The following SULT1E1 variants were observed in gnomAD, a reference collection of about 807,000 sequenced individuals.
SULT1E1 encodes sulfotransferase 1E1.
A neutral mutation model predicts 33.6 loss-of-function variants in SULT1E1; 36 were observed. The observed-to-expected ratio is 1.07, with a 90% CI of 0.82 to 1.41. The LOEUF is 1.41. SULT1E1 is among the 40% of genes most tolerant of loss of function. The pLI, the probability that SULT1E1 is intolerant of heterozygous loss-of-function variation, is 0.00. For missense variants in SULT1E1, 371 were observed against 345.7 expected, an observed-to-expected ratio of 1.07 and a Z score of -0.58; for synonymous variants, 121 against 111.7, an observed-to-expected ratio of 1.08 and a Z score of -0.53.
rs375695702 is a variant in SULT1E1, at chr4:69,847,740, C to G, written c.549G>C (p.Lys183Asn). ...AGAAAAGAAATAGTACACGTGGACT[C>G]TTTCCCTTTTCCCACCAAGATTTTA... is the stretch of plus-strand genomic sequence containing the variant. ...KHVKSWWEKG[K>N]SPRVLFLFYE... The change falls in exon 6 of 8, where the codon AAG becomes AAC. Residue 183 changes from lysine to asparagine, a missense_variant. Transcript: ENST00000226444. 1.1e-5 allele frequency: 18 copies of G among 1,609,878 alleles called. No homozygotes were observed. Among genetic ancestry groups the G allele is most frequent in the Non-Finnish European group, 1.5e-5 (18 of 1,177,210 alleles).
At position 69,844,216 on chromosome 4, in the gene SULT1E1, G is replaced by A; in HGVS notation, c.717C>T (p.Tyr239=). 2 of 1,613,968 alleles carry A rather than the reference G, an allele frequency of 1.2e-6. No individual in the cohort carries two copies. The highest frequency in any genetic ancestry group is 1.7e-6 in the Non-Finnish European group (2 of 1,179,916). ...QEMKNNPSTN[Y]TTLPDEIMNQ... is the part of the protein sequence containing the mutation. ...TCATAATTTCGTCTGGCAGTGTTGT[G>A]TAATTTGTGGATGGATTGTTCTTCA... is the stretch of plus-strand genomic sequence containing the variant. The change falls in exon 7 of 8, where the codon TAC becomes TAT. Residue 239 remains tyrosine, a synonymous_variant. Coordinates refer to ENST00000226444, the MANE Select transcript of SULT1E1 (RefSeq NM_005420.3).
chr4:69,842,146 C>A, intron 7 of SULT1E1, 40 bp from the exon 8 acceptor site: 2 of 1,150,734 alleles, frequency 1.7e-6, no homozygotes, highest in Non-Finnish European at 2.6e-6. Flanking sequence ...TTAAGTCTTC[C>A]AAAAAGAATC....
intron 4 of SULT1E1, among the ~76,000 whole-genome samples, chr4:69,850,535 A>G (rs1721080102): frequency 6.6e-6 from 1 of 152,108 alleles, no homozygotes; most frequent in African/African-American, 2.4e-5. Flanking sequence ...AAAAGCCTCT[A>G]AAAACTGCAG....
chr4:69,826,417 G>C, the SULT1E1 span, among the ~76,000 whole-genome samples: 33 of 152,034 alleles, frequency 2.2e-4, no homozygotes, highest in Non-Finnish European at 4.1e-4. Context: ...AACATTCCTC[G>C]GTCCTCCTTG....
At chr4:69,855,212 A>G in intron 3 of SULT1E1, 89 bp downstream of exon 3, 1 of 1,379,388 alleles carries the variant, frequency 7.2e-7, no homozygotes, top group Non-Finnish European at 9.7e-7. Context: ...ACTAATTGCC[A>G]TTCTTGCTTA....
At chr4:69,848,407 G>A (rs974273036) in intron 5 of SULT1E1, among the ~76,000 whole-genome samples, 1 of 151,832 alleles carries the variant, frequency 6.6e-6, no homozygotes, top group South Asian at 2.1e-4. Flanking sequence ...TAGTAAAAAT[G>A]TTTCATAAAA....
chr4:69,844,796 A>G (rs1720941713), intron 6 of SULT1E1, among the ~76,000 whole-genome samples: 1 of 152,152 alleles, frequency 6.6e-6, no homozygotes, highest in African/African-American at 2.4e-5. Context: ...TCAAATACTC[A>G]CAATGCAACA....
the SULT1E1 span, among the ~76,000 whole-genome samples, chr4:69,825,243 C>T: frequency 6.6e-6 from 1 of 152,046 alleles, no homozygotes; most frequent in African/African-American, 2.4e-5. Flanking sequence ...AGCAAGACCA[C>T]GAACCCACCA....
downstream of SULT1E1, among the ~76,000 whole-genome samples, chr4:69,840,954 G>A (rs959418668): frequency 5.3e-5 from 8 of 152,126 alleles, no homozygotes; most frequent in African/African-American, 1.7e-4. Context: ...GCTGAGGCAG[G>A]AGAATGGCGG....
At chr4:69,857,421 C>G in intron 2 of SULT1E1, 79 bp downstream of exon 2, 2 of 1,487,586 alleles carry the variant, frequency 1.3e-6, no homozygotes, top group Non-Finnish European at 1.8e-6. Context: ...TGAGTGTGTA[C>G]GACATGAACA....
intron 7 of SULT1E1, among the ~76,000 whole-genome samples, chr4:69,842,563 T>C (rs768227848): frequency 1.9e-4 from 29 of 152,228 alleles, no homozygotes; most frequent in Non-Finnish European, 3.1e-4. Context: ...TTTTATTCCT[T>C]AGCATATTGT....
At position 69,855,324 on chromosome 4, in the gene SULT1E1, C is replaced by A. The variant is rs1431397129; in HGVS notation, c.248G>T (p.Cys83Phe). 1.2e-6 allele frequency: 2 copies of A among 1,612,506 alleles called. No homozygotes were observed. Among genetic ancestry groups the A allele is most frequent in the Admixed American group, 3.3e-5 (2 of 59,906 alleles). Reference protein sequence around the residue: ...VIFNRIPFLECRKENLMNGVK... With the variant: ...VIFNRIPFLEFRKENLMNGVK... ...ACCATTCATGAGGTTTTCTTTTCTG[C>A]ATTCCAGGAAAGGTATTCGATTAAA... is the stretch of plus-strand genomic sequence containing the variant. The change falls in exon 3 of 8, where the codon TGC becomes TTC. Residue 83 changes from cysteine to phenylalanine, a missense_variant. Coordinates refer to ENST00000226444, the MANE Select transcript of SULT1E1 (RefSeq NM_005420.3).
chr4:69,837,222 A>T (rs2110062715), downstream of SULT1E1, among the ~76,000 whole-genome samples: 1 of 152,274 alleles, frequency 6.6e-6, no homozygotes, highest in Middle Eastern at 3.4e-3. Context: ...TGTACATTGT[A>T]TAGATTTTCT....
At chr4:69,824,034 A>T in the SULT1E1 span, among the ~76,000 whole-genome samples, 1 of 152,212 alleles carries the variant, frequency 6.6e-6, no homozygotes, top group South Asian at 2.1e-4. Context: ...AGCTGGGTTT[A>T]GAGTATTCAC....
intron 1 of SULT1E1, among the ~76,000 whole-genome samples, chr4:69,858,026 A>C (rs1170560896): frequency 6.6e-6 from 1 of 152,160 alleles, no homozygotes; most frequent in Non-Finnish European, 1.5e-5. Flanking sequence ...AATTACAGTT[A>C]TTTTAGCAAA....
chr4:69,849,564 C>T lies in SULT1E1; in HGVS notation c.370-1G>A. 6.3e-7 allele frequency: 1 copy of T among 1,595,460 alleles called. No homozygotes were observed. Among genetic ancestry groups the T allele is most frequent in the African/African-American group, 1.4e-5 (1 of 73,712 alleles). On this transcript the variant is annotated splice_acceptor_variant, in intron 4 of 7. Coordinates refer to ENST00000226444, the MANE Select transcript of SULT1E1 (RefSeq NM_005420.3). LOFTEE classifies it high-confidence loss of function. ...TTGCATTCCGGCAAAGATAGATTAT[C>T]TAAGAGGATGAAATTGTATATTAAA...
chr4:69,856,339 T>C (rs1219522156), intron 2 of SULT1E1, among the ~76,000 whole-genome samples: 1 of 152,172 alleles, frequency 6.6e-6, no homozygotes, highest in Non-Finnish European at 1.5e-5. Flanking sequence ...ATATATTATA[T>C]TAAGCAGAAG....
intron 1 of SULT1E1, among the ~76,000 whole-genome samples, chr4:69,858,474 T>A (rs537871937): frequency 2.0e-5 from 3 of 152,256 alleles, no homozygotes; most frequent in East Asian, 3.9e-4. Context: ...TAGTATCTTG[T>A]TTTTTCAACT....
At chr4:69,842,204 T>C (rs982442165) in intron 7 of SULT1E1, 98 bp from the exon 8 acceptor site, 122 of 678,088 alleles carry the variant, frequency 1.8e-4, no homozygotes, top group Non-Finnish European at 4.3e-5. Flanking sequence ...AATCAAATAT[T>C]ATACTTGTAA....
Sources: allele counts gnomAD v4.1 joint callset (sites outside exome capture counted in the v4.1 genomes callset), GRCh38; gene constraint gnomAD v4.1.1; transcripts MANE v1.5; gene names NCBI Gene and HGNC (gene_info 2026-07-23, HGNC 2026-07-21).